MAP1B: variants seen among roughly 807,000 people sequenced by gnomAD.
MAP1B encodes the protein microtubule-associated protein 1B.
In MAP1B, 12 loss-of-function variants were observed where a neutral mutation model predicts 176.1. That is an observed-to-expected ratio of 0.07 (90% confidence interval 0.04 to 0.11). The LOEUF (loss-of-function observed/expected upper bound fraction) is 0.11, where lower values mean the gene tolerates loss of function less well. Among genes scored for constraint, MAP1B ranks in the 10% least tolerant of loss-of-function variants. The probability of loss-of-function intolerance (pLI) is 1.00; values close to 1 mark genes in which losing one functional copy is unlikely to be tolerated. For missense variants in MAP1B, 2,523 were observed against 2,990.5 expected (o/e 0.84, Z 3.65); for synonymous variants, 1,044 against 1,135.0 (o/e 0.92, Z 1.61).
chr5:72,109,909 C>G (rs10058678), intron 1 of MAP1B, among the ~76,000 whole-genome samples: 1 of 152,142 alleles, frequency 6.6e-6, no homozygotes, highest in Non-Finnish European at 1.5e-5. Context: ...TCTGATCATC[C>G]TTTCAGCGCC....
At chr5:72,172,900 C>T (rs1746574986) in intron 2 of MAP1B, among the ~76,000 whole-genome samples, 1 of 152,220 alleles carries the variant, frequency 6.6e-6, no homozygotes, top group East Asian at 1.9e-4. Flanking sequence ...GGAGATCCTA[C>T]AGGGACCTCA....
intron 2 of MAP1B, among the ~76,000 whole-genome samples, chr5:72,141,714 G>C (rs1745949822): frequency 6.6e-6 from 1 of 152,200 alleles, no homozygotes; most frequent in African/African-American, 2.4e-5. Flanking sequence ...CTTATATGGA[G>C]AGGTTCTGAG....
chr5:72,131,896 G>A (rs529247066), intron 2 of MAP1B, among the ~76,000 whole-genome samples: 4 of 152,282 alleles, frequency 2.6e-5, no homozygotes, highest in African/African-American at 9.6e-5. Flanking sequence ...CTTGCATCAC[G>A]TCTGATTATC....
rs184165244 is a variant in MAP1B at position 72,163,448 on chromosome 5, A to G, written c.287-20295A>G. 2.9e-4 allele frequency among the ~76,000 whole-genome samples: 44 copies of G among 152,258 alleles called. 1 individual carries two copies. The East Asian group carries it at 7.9e-3, about 27-fold the overall frequency. ...GATGAGATTCCATGCTTTTACCATC[A>G]TTGACCCAAATAGGTAACCTAAGAA... On this transcript the variant is annotated intron_variant, in intron 2 of 6. Coordinates refer to ENST00000296755, the MANE Select transcript of MAP1B (RefSeq NM_005909.5).
intron 2 of MAP1B, among the ~76,000 whole-genome samples, chr5:72,120,834 G>A (rs539183959): frequency 6.6e-6 from 1 of 152,320 alleles, no homozygotes; most frequent in Non-Finnish European, 1.5e-5. Context: ...CCCTTCTGGA[G>A]TATCTATTTG....
At chr5:72,181,318 G>A (rs900291091) in intron 2 of MAP1B, among the ~76,000 whole-genome samples, 1 of 151,968 alleles carries the variant, frequency 6.6e-6, no homozygotes, top group African/African-American at 2.4e-5. Flanking sequence ...TGATATAAAG[G>A]AAAAAGAACC....
chr5:72,199,180 T>C lies in MAP1B; in HGVS notation c.5825T>C (p.Ile1942Thr), dbSNP rs1470921544. ...TPEDGDYSYE[I>T]IEKTTRTPEE... ...GAAGATGGTGACTATTCCTATGAAA[T>C]TATTGAGAAGACCACACGGACCCCT... Residue 1942 changes from isoleucine to threonine, a missense_variant, in exon 5 of 7, where the codon ATT (isoleucine) becomes ACT (threonine). Physicochemically the swap from Ile to Thr is moderately conservative, Grantham distance 89 (BLOSUM62 -1). Coordinates refer to ENST00000296755, the MANE Select transcript of MAP1B (RefSeq NM_005909.5). This position sits in a 1 kb window ranked among gnomAD's most constrained non-coding sequence, Gnocchi z 4.2. 6.2e-7 allele frequency: 1 copy of C among 1,614,026 alleles called. No homozygotes were observed. Among genetic ancestry groups the C allele is most frequent in the Non-Finnish European group, 8.5e-7 (1 of 1,180,004 alleles).
chr5:72,110,651 G>A (rs1052673752), intron 1 of MAP1B, among the ~76,000 whole-genome samples: 4 of 152,134 alleles, frequency 2.6e-5, no homozygotes, highest in East Asian at 3.9e-4. Context: ...CTCCAGGGGG[G>A]CCAGCTCTGA....
At chr5:72,121,438 G>T (rs1745528378) in intron 2 of MAP1B, among the ~76,000 whole-genome samples, 1 of 152,320 alleles carries the variant, frequency 6.6e-6, no homozygotes, top group Non-Finnish European at 1.5e-5. Context: ...TGTGATGGAT[G>T]GTGTATATGG....
At chr5:72,129,194 G>C (rs1190040907) in intron 2 of MAP1B, among the ~76,000 whole-genome samples, 1 of 152,208 alleles carries the variant, frequency 6.6e-6, no homozygotes, top group Non-Finnish European at 1.5e-5. Context: ...ATGTGTGTGT[G>C]TATGTGTATG....
At chr5:72,165,970 C>T (rs1746420705) in intron 2 of MAP1B, among the ~76,000 whole-genome samples, 2 of 152,120 alleles carry the variant, frequency 1.3e-5, no homozygotes, top group South Asian at 4.1e-4. Flanking sequence ...CCATCATGTT[C>T]TACCCTCACA....
chr5:72,201,165 C>A (rs1315200355), intron 5 of MAP1B, among the ~76,000 whole-genome samples: 1 of 151,414 alleles, frequency 6.6e-6, no homozygotes, highest in Non-Finnish European at 1.5e-5. Context: ...GAAGTTGAGA[C>A]CAGCCTGTGC....
chr5:72,144,163 G>A (rs772697632), intron 2 of MAP1B, among the ~76,000 whole-genome samples: 1 of 152,062 alleles, frequency 6.6e-6, no homozygotes, highest in Non-Finnish European at 1.5e-5. Context: ...GTTCAATCTA[G>A]TACACCTTCC....
chr5:72,186,809 C>T lies in MAP1B; in HGVS notation c.510+55C>T. On this transcript the variant is annotated intron_variant, in intron 4 of 6. Coordinates refer to ENST00000296755, the MANE Select transcript of MAP1B (RefSeq NM_005909.5). This position sits in a 1 kb window ranked among gnomAD's most constrained non-coding sequence, Gnocchi z 4.3. The stretch of plus-strand genomic sequence containing the variant: ...TCTAGTGGCTTGGTTGCCTTAGGTT[C>T]CTCTTTGAGAGCACTGGGGGAGACA... The T allele has an allele frequency of 6.2e-7, 1 of 1,601,502 alleles. No individual in the cohort carries two copies. The highest frequency in any genetic ancestry group is 8.5e-7 in the Non-Finnish European group (1 of 1,173,044).
chr5:72,143,093 G>A (rs1745977726), intron 2 of MAP1B, among the ~76,000 whole-genome samples: 1 of 152,168 alleles, frequency 6.6e-6, no homozygotes, highest in Admixed American at 6.5e-5. Flanking sequence ...GTGTGCGTGA[G>A]TGTGTGCAGT....
At chr5:72,141,944 A>T (rs1156701353) in intron 2 of MAP1B, among the ~76,000 whole-genome samples, 2 of 152,128 alleles carry the variant, frequency 1.3e-5, no homozygotes, top group Non-Finnish European at 2.9e-5. Context: ...AGGAACTCTC[A>T]CTGTCTGCCT....
rs1432619037 is a variant in MAP1B at position 72,198,826 on chromosome 5, C to T, written c.5471C>T (p.Ala1824Val). Residue 1824 changes from alanine (A) to valine (V), a missense_variant, in exon 5 of 7, where the codon GCA (alanine) becomes GTA (valine). Transcript: ENST00000296755. ...CHSSSSPPIDAASAEPYGFRA... is the reference protein window; with the variant it reads ...CHSSSSPPIDVASAEPYGFRA... ...AGTTCCTCTTCTCCACCAATAGATG[C>T]AGCATCCGCAGAGCCCTATGGCTTC... 1 of 1,614,234 alleles carries T rather than the reference C, an allele frequency of 6.2e-7. No homozygotes were observed. The highest frequency in any genetic ancestry group is 1.1e-5 in the South Asian group (1 of 91,076).
At chr5:72,166,394 G>C in intron 2 of MAP1B, among the ~76,000 whole-genome samples, 1 of 152,076 alleles carries the variant, frequency 6.6e-6, no homozygotes. Flanking sequence ...CCAGGATCCC[G>C]GTACACGATG....
At chr5:72,166,395 G>A (rs1746429712) in intron 2 of MAP1B, among the ~76,000 whole-genome samples, 1 of 152,118 alleles carries the variant, frequency 6.6e-6, no homozygotes. Context: ...CAGGATCCCG[G>A]TACACGATGG....
Sources: gnomAD v4.1 joint callset for allele counts (sites outside exome capture counted in the v4.1 genomes callset) on GRCh38, gnomAD v4.1.1 for gene constraint, Gnocchi (gnomAD v3.1) non-coding constraint, MANE v1.5 for transcripts, NCBI Gene and HGNC (gene_info 2026-07-23, HGNC 2026-07-21) for gene names.